DTNB: variants seen among roughly 807,000 people sequenced by gnomAD.
The protein encoded by DTNB is DTN-B.
In DTNB, 63 loss-of-function variants were observed where a neutral mutation model predicts 90.7. The ratio of observed to expected loss-of-function variants is 0.69; its 90% CI spans 0.57 to 0.86. The LOEUF (loss-of-function observed/expected upper bound fraction) is 0.86, where lower values mean the gene tolerates loss of function less well. Ranked by LOEUF, DTNB falls within the 40% of genes least tolerant of loss-of-function variation. The pLI is 0.00. For synonymous variants in DTNB, 277 were observed against 286.7 expected (o/e 0.97, Z 0.34); for missense variants, 744 against 807.1 (o/e 0.92, Z 0.95).
chr2:25,640,652 G>C (rs1211193598), intron 2 of DTNB, among the ~76,000 whole-genome samples: 1 of 152,118 alleles, frequency 6.6e-6, no homozygotes, highest in African/African-American at 2.4e-5. Context: ...GCTCACACCT[G>C]TAATCTCAGT....
chr2:25,453,558 T>C (rs968793409), intron 11 of DTNB, among the ~76,000 whole-genome samples: 1 of 152,250 alleles, frequency 6.6e-6, no homozygotes, highest in Admixed American at 6.5e-5. Flanking sequence ...TAGCTAAACC[T>C]ACCATAAATC....
intron 5 of DTNB, among the ~76,000 whole-genome samples, chr2:25,603,251 T>C (rs1215814879): frequency 6.6e-6 from 1 of 152,252 alleles, no homozygotes; most frequent in East Asian, 1.9e-4. Context: ...TAATTAAGCA[T>C]GTTTTAATAC....
chr2:25,591,417 T>C (rs2063551460), intron 6 of DTNB, among the ~76,000 whole-genome samples: 2 of 152,234 alleles, frequency 1.3e-5, no homozygotes, highest in South Asian at 4.1e-4. Context: ...GTGGCTGTTC[T>C]AGATGGGACA....
chr2:25,630,002 G>A (rs1035711854), intron 3 of DTNB, among the ~76,000 whole-genome samples: 2 of 152,088 alleles, frequency 1.3e-5, no homozygotes, highest in Non-Finnish European at 2.9e-5. Context: ...TTAAGGGTCT[G>A]GGATCCAGAC....
intron 6 of DTNB, chr2:25,594,776 T>A (rs1233293470): frequency 6.6e-6 from 1 of 152,268 alleles, no homozygotes; most frequent in East Asian, 1.9e-4. Flanking sequence ...TGCAGAAGGA[T>A]GCTCCTTTAT....
chr2:25,638,778 A>ACATTATACATTATACATTATACATT (rs2077609164), intron 3 of DTNB, among the ~76,000 whole-genome samples: 1 of 152,250 alleles, frequency 6.6e-6, no homozygotes, highest in Admixed American at 6.5e-5. Flanking sequence ...TCTCCCATTT[A>ACATTATACATTATACATTATACATT]AAGAACATTA....
intron 7 of DTNB, among the ~76,000 whole-genome samples, chr2:25,578,010 C>A (rs2060967509): frequency 6.6e-6 from 1 of 151,818 alleles, no homozygotes; most frequent in Non-Finnish European, 1.5e-5. Flanking sequence ...CAAAAACAAA[C>A]AGAAAAAGAA....
At chr2:25,561,573 G>A (rs2058271811) in intron 8 of DTNB, among the ~76,000 whole-genome samples, 1 of 152,180 alleles carries the variant, frequency 6.6e-6, no homozygotes, top group Admixed American at 6.5e-5. Context: ...CGTGGTGGGA[G>A]GTGACTGCAT....
chr2:25,558,588 T>G (rs916625966), intron 8 of DTNB, among the ~76,000 whole-genome samples: 2 of 152,236 alleles, frequency 1.3e-5, no homozygotes, highest in African/African-American at 4.8e-5. Context: ...AAAAAATGCC[T>G]TATTGTTTCA....
intron 18 of DTNB, chr2:25,386,121 G>C (rs1264236738): frequency 2.0e-6 from 2 of 985,382 alleles, no homozygotes; most frequent in African/African-American, 3.5e-5. Flanking sequence ...TGCTAGAATG[G>C]AGAGGGTGGC....
At chr2:25,554,819 C>G (rs1451017069) in intron 8 of DTNB, among the ~76,000 whole-genome samples, 1 of 152,084 alleles carries the variant, frequency 6.6e-6, no homozygotes, top group African/African-American at 2.4e-5. Context: ...AGTTTAAAAA[C>G]ATGAGATACA....
chr2:25,495,184 G>C lies in DTNB; in HGVS notation c.1002-12311C>G, dbSNP rs368629092. Among the ~76,000 whole-genome samples the C allele has an allele frequency of 2.6e-4, 40 of 152,108 alleles. 2 individuals carry two copies. The East Asian group carries it at 5.2e-3, about 20-fold the overall frequency. ...AGGCTCAAGTGATTCTCTTGCTTCG[G>C]CCTCCCAAGTAGCTGTGACTACAGG... On this transcript the variant is annotated intron_variant, in intron 9 of 20. Coordinates refer to ENST00000406818, the MANE Select transcript of DTNB (RefSeq NM_021907.5).
At chr2:25,564,385 T>C (rs1184930651) in intron 8 of DTNB, among the ~76,000 whole-genome samples, 4 of 152,118 alleles carry the variant, frequency 2.6e-5, no homozygotes, top group Non-Finnish European at 4.4e-5. Context: ...TTTCTTCTTT[T>C]TGTTATTTTT....
At chr2:25,503,306 T>C (rs2071334664) in intron 9 of DTNB, among the ~76,000 whole-genome samples, 1 of 151,270 alleles carries the variant, frequency 6.6e-6, no homozygotes, top group Admixed American at 6.6e-5. Context: ...CTGGACAACA[T>C]AGAGAGACTC....
chr2:25,483,254 G>A (rs988571529), intron 9 of DTNB, among the ~76,000 whole-genome samples: 4 of 152,176 alleles, frequency 2.6e-5, no homozygotes, highest in African/African-American at 7.2e-5. Flanking sequence ...TTTAAATTCT[G>A]CCCCTTAGTG....
At chr2:25,448,971 G>T (rs553072990) in intron 12 of DTNB, among the ~76,000 whole-genome samples, 4 of 151,090 alleles carry the variant, frequency 2.6e-5, no homozygotes, top group African/African-American at 9.7e-5. Flanking sequence ...AAGTTTCCTC[G>T]TCTCTCTTCA....
chr2:25,394,370 C>T (rs2041907505), intron 16 of DTNB, among the ~76,000 whole-genome samples: 1 of 151,840 alleles, frequency 6.6e-6, no homozygotes, highest in Non-Finnish European at 1.5e-5. Context: ...AAAGCAAATG[C>T]AACAAACAAA....
chr2:25,584,562 CTTT>C (rs60044530), intron 6 of DTNB, among the ~76,000 whole-genome samples: 2 of 145,954 alleles, frequency 1.4e-5, no homozygotes, highest in East Asian at 2.0e-4. Flanking sequence ...CTCAATTTTA[CTTT>C]TTTTTTTTTG....
chr2:25,571,796 A>G (rs1048467185), intron 8 of DTNB, among the ~76,000 whole-genome samples: 1 of 152,116 alleles, frequency 6.6e-6, no homozygotes, highest in African/African-American at 2.4e-5. Context: ...TATTTGGTCA[A>G]TGTATATCGG....
Sources: gnomAD v4.1 joint callset for allele counts (sites outside exome capture counted in the v4.1 genomes callset) on GRCh38, gnomAD v4.1.1 for gene constraint, MANE v1.5 for transcripts, NCBI Gene and HGNC (gene_info 2026-07-23, HGNC 2026-07-21) for gene names.